LHFPL6: variants seen among roughly 807,000 people sequenced by gnomAD.
LHFPL6 encodes the protein LHFPL tetraspan subfamily member 6 protein.
Under a neutral mutation model 20.6 loss-of-function variants are expected in LHFPL6, and 9 were observed. The ratio of observed to expected loss-of-function variants is 0.44; its 90% CI spans 0.26 to 0.76. The LOEUF (loss-of-function observed/expected upper bound fraction) is 0.76. Ranked by LOEUF, LHFPL6 falls within the 30% of genes least tolerant of loss-of-function variation. The probability of loss-of-function intolerance (pLI) is 0.20; values close to 1 mark genes in which losing one functional copy is unlikely to be tolerated. For synonymous variants in LHFPL6, 105 were observed against 98.7 expected, an observed-to-expected ratio of 1.06 and a Z score of -0.38; for missense variants, 218 against 253.5, an observed-to-expected ratio of 0.86 and a Z score of 0.95.
chr13:39,391,310 C>A (rs552764415), intron 2 of LHFPL6, among the ~76,000 whole-genome samples: 1 of 152,144 alleles, frequency 6.6e-6, no homozygotes, highest in Admixed American at 6.5e-5. Context: ...ACTACTGCCA[C>A]GTTGTATGGT....
chr13:39,435,899 T>G (rs1023901650), intron 2 of LHFPL6, among the ~76,000 whole-genome samples: 2 of 152,150 alleles, frequency 1.3e-5, no homozygotes, highest in African/African-American at 4.8e-5. Flanking sequence ...TATTTTCTAT[T>G]AAACCAGTCA....
In LHFPL6 at chr13:39,495,408, T is replaced by C. The variant is rs149409486; in HGVS notation, c.385+105424A>G. ...GGAATTTCTCTTATAATTCATTTTA[T>C]GATAATACCTTTCATTTGTATTGTA... On this transcript the variant is annotated intron_variant, in intron 2 of 3. Transcript: ENST00000379589. Among the ~76,000 whole-genome samples the C allele has an allele frequency of 2.4e-3, 360 of 152,336 alleles. 2 individuals are homozygous for C. Among genetic ancestry groups the C allele is most frequent in the African/African-American group, 8.5e-3 (354 of 41,574 alleles).
At chr13:39,586,001 C>G (rs1200825807) in intron 2 of LHFPL6, among the ~76,000 whole-genome samples, 1 of 152,026 alleles carries the variant, frequency 6.6e-6, no homozygotes, top group Non-Finnish European at 1.5e-5. Flanking sequence ...ATGGGGCACC[C>G]TCACCCCATA....
chr13:39,526,792 C>T (rs1467186029), intron 2 of LHFPL6, among the ~76,000 whole-genome samples: 1 of 152,228 alleles, frequency 6.6e-6, no homozygotes, highest in Non-Finnish European at 1.5e-5. Flanking sequence ...CCTCATTTTA[C>T]ATCTGTAATT....
At chr13:39,570,146 A>G (rs1312139039) in intron 2 of LHFPL6, among the ~76,000 whole-genome samples, 1 of 152,038 alleles carries the variant, frequency 6.6e-6, no homozygotes, top group Admixed American at 6.6e-5. Flanking sequence ...ATTTTATTGT[A>G]TTTATTTATT....
intron 2 of LHFPL6, among the ~76,000 whole-genome samples, chr13:39,525,276 C>T (rs190118504): frequency 1.4e-3 from 213 of 152,010 alleles, no homozygotes; most frequent in African/African-American, 4.8e-3. Flanking sequence ...CTGAGGTCTC[C>T]GCCTGAGAAA....
chr13:39,433,791 A>T (rs1270541596), intron 2 of LHFPL6, among the ~76,000 whole-genome samples: 2 of 152,194 alleles, frequency 1.3e-5, no homozygotes, highest in East Asian at 3.8e-4. Flanking sequence ...TAAAAGTATA[A>T]GAATTCCTAT....
intron 2 of LHFPL6, among the ~76,000 whole-genome samples, chr13:39,527,362 G>A (rs1240219243): frequency 6.6e-6 from 1 of 152,110 alleles, no homozygotes; most frequent in Non-Finnish European, 1.5e-5. Context: ...AAAATATCAT[G>A]TGATAAGCAA....
intron 3 of LHFPL6, among the ~76,000 whole-genome samples, chr13:39,345,467 C>G (rs907199458): frequency 2.3e-5 from 3 of 130,456 alleles, no homozygotes; most frequent in Admixed American, 9.1e-5. Context: ...GAGCTGAGAT[C>G]ACACCACTGA....
At chr13:39,563,091 AACACACACACACACACACAC>A (rs60324329) in intron 2 of LHFPL6, among the ~76,000 whole-genome samples, 6 of 135,870 alleles carry the variant, frequency 4.4e-5, no homozygotes, top group East Asian at 2.2e-4. Flanking sequence ...CAATACTAGA[AACACACACACACACACACAC>A]ACACACACAC....
chr13:39,397,161 GAA>G (rs5802985), intron 2 of LHFPL6, among the ~76,000 whole-genome samples: 1 of 147,720 alleles, frequency 6.8e-6, no homozygotes, highest in Non-Finnish European at 1.5e-5. Flanking sequence ...AAAGTAAATT[GAA>G]AAAAAAAAGT....
chr13:39,400,070 G>A (rs1870947572), intron 2 of LHFPL6, among the ~76,000 whole-genome samples: 1 of 152,122 alleles, frequency 6.6e-6, no homozygotes. Context: ...TCCAGCCTGG[G>A]CAACAAGAGC....
chr13:39,582,129 G>T (rs1367349141), intron 2 of LHFPL6, among the ~76,000 whole-genome samples: 2 of 152,064 alleles, frequency 1.3e-5, no homozygotes, highest in East Asian at 3.9e-4. Context: ...CCTAAATCAG[G>T]CCTCCTGTAG....
intron 2 of LHFPL6, among the ~76,000 whole-genome samples, chr13:39,457,621 C>T (rs1872601399): frequency 6.6e-6 from 1 of 152,156 alleles, no homozygotes; most frequent in Admixed American, 6.5e-5. Flanking sequence ...GCAATCTATT[C>T]CTGTTTGCGC....
intron 2 of LHFPL6, among the ~76,000 whole-genome samples, chr13:39,478,310 G>A (rs1384342819): frequency 6.6e-6 from 1 of 151,950 alleles, no homozygotes; most frequent in African/African-American, 2.4e-5. Context: ...AGTCTCTGTG[G>A]GTTGCCAGGC....
At chr13:39,553,127 C>T (rs1306600522) in intron 2 of LHFPL6, among the ~76,000 whole-genome samples, 1 of 152,150 alleles carries the variant, frequency 6.6e-6, no homozygotes, top group East Asian at 1.9e-4. Context: ...TATGTCAATA[C>T]ATTTAAGCTA....
chr13:39,543,720 T>C (rs1870884127), intron 2 of LHFPL6, among the ~76,000 whole-genome samples: 1 of 152,146 alleles, frequency 6.6e-6, no homozygotes, highest in African/African-American at 2.4e-5. Flanking sequence ...TGAATTTCAG[T>C]CCCAGCTTTA....
intron 2 of LHFPL6, among the ~76,000 whole-genome samples, chr13:39,551,941 T>C (rs59042863): frequency 6.6e-6 from 1 of 152,306 alleles, no homozygotes; most frequent in South Asian, 2.1e-4. Context: ...GCCCTCTGTA[T>C]CTAAAAGTTT....
intron 2 of LHFPL6, among the ~76,000 whole-genome samples, chr13:39,517,330 C>A (rs1005962): frequency 0.3 from 45,056 of 152,052 alleles, 7,767 homozygotes; most frequent in East Asian, 0.62. Context: ...GAAAGAAGGA[C>A]AAACCCTGTC....
Sources: gnomAD v4.1 joint callset for allele counts (sites outside exome capture counted in the v4.1 genomes callset) on GRCh38, gnomAD v4.1.1 for gene constraint, MANE v1.5 for transcripts, NCBI Gene and HGNC (gene_info 2026-07-23, HGNC 2026-07-21) for gene names.